LEPR: variants seen among roughly 807,000 people sequenced by gnomAD.
LEPR encodes the protein OB receptor.
LEPR carries 56 observed loss-of-function variants against 114.7 expected under a neutral mutation model. The observed-to-expected ratio is 0.49, with a 90% CI of 0.39 to 0.61. The LOEUF (loss-of-function observed/expected upper bound fraction) is 0.61. Among genes scored for constraint, LEPR ranks in the 20% least tolerant of loss-of-function variants. The probability of loss-of-function intolerance (pLI) is 0.00; values close to 1 mark genes in which losing one functional copy is unlikely to be tolerated. For synonymous variants in LEPR, 443 were observed against 461.4 expected (o/e 0.96, Z 0.51); for missense variants, 1,202 against 1,352.9 (o/e 0.89, Z 1.75).
rs1656444989 is a variant in LEPR, at chr1:65,601,618, T to C, written c.1221T>C (p.Tyr407=). 6.2e-7 allele frequency: 1 copy of C among 1,613,706 alleles called. No individual in the cohort carries two copies. Among genetic ancestry groups the C allele is most frequent in the East Asian group, 2.2e-5 (1 of 44,848 alleles). Residue 407 remains tyrosine, a synonymous_variant, in exon 9 of 20, where the codon TAT becomes TAC. Coordinates refer to ENST00000349533, the MANE Select transcript of LEPR (RefSeq NM_002303.6). The part of the protein sequence containing the change: ...NETKPRGKFT[Y]DAVYCCNEHE... ...CCAAACCTCGAGGAAAGTTTACCTATGATGCAGTGTACTGCTGCAATGAAC... is the reference window on the plus strand; with the variant it reads ...CCAAACCTCGAGGAAAGTTTACCTACGATGCAGTGTACTGCTGCAATGAAC...
chr1:65,542,863 T>C (rs968251719), intron 2 of LEPR, among the ~76,000 whole-genome samples: 11 of 152,042 alleles, frequency 7.2e-5, no homozygotes, highest in African/African-American at 1.5e-4. Context: ...CAGTCTATCA[T>C]TGATGGCCAT....
intron 2 of LEPR, among the ~76,000 whole-genome samples, chr1:65,555,895 A>C (rs1236100312): frequency 6.6e-6 from 1 of 152,130 alleles, no homozygotes; most frequent in African/African-American, 2.4e-5. Flanking sequence ...TCATGTGAGG[A>C]TGTCAACCCT....
chr1:65,579,032 A>G (rs1259442689), intron 5 of LEPR, among the ~76,000 whole-genome samples: 1 of 152,042 alleles, frequency 6.6e-6, no homozygotes, highest in Non-Finnish European at 1.5e-5. Context: ...CGACTGATGA[A>G]CCTACAAGCC....
At chr1:65,529,295 T>C (rs1242950560) in intron 2 of LEPR, among the ~76,000 whole-genome samples, 1 of 151,750 alleles carries the variant, frequency 6.6e-6, no homozygotes, top group African/African-American at 2.4e-5. Flanking sequence ...CTGAGACGGG[T>C]GGATCACAAG....
At position 65,636,887 on chromosome 1, in the gene LEPR, G is replaced by T; in HGVS notation, c.3370G>T (p.Val1124Leu). Residue 1124 changes from valine to leucine, a missense_variant, in exon 20 of 20, where the codon GTA (valine) becomes TTA (leucine). Val to Leu is a conservative substitution (Grantham distance 32). Transcript: ENST00000349533. Reference sequence around the variant, plus strand: ...TCTCCAGGACAGTTGCTCACACTTTGTAGAAAATAATATCAACTTAGGAAC... The same window carrying T: ...TCTCCAGGACAGTTGCTCACACTTTTTAGAAAATAATATCAACTTAGGAAC... ...RVLQDSCSHF[V>L]ENNINLGTSS... 1 of 1,606,384 alleles carries T rather than the reference G, an allele frequency of 6.2e-7. No individual in the cohort carries two copies. The highest frequency in any genetic ancestry group is 8.5e-7 in the Non-Finnish European group (1 of 1,176,766).
In LEPR at chr1:65,609,951, A is replaced by G. The variant is rs749228450; in HGVS notation, c.1757A>G (p.Tyr586Cys). The G allele has an allele frequency of 5.0e-6, 8 of 1,614,162 alleles. No individual in the cohort carries two copies. In the Admixed American group the frequency reaches 5.0e-5, roughly 10 times the overall value. ...LSGKEVQWKMYEVYDAKSKSV... is the reference protein window; with the variant it reads ...LSGKEVQWKMCEVYDAKSKSV... ...ATGCTTTGACTTATTTTACAGATGTATGAGGTTTATGATGCAAAATCAAAA... is the reference window on the plus strand; with the variant it reads ...ATGCTTTGACTTATTTTACAGATGTGTGAGGTTTATGATGCAAAATCAAAA... The change falls in exon 13 of 20, where the codon TAT becomes TGT. Residue 586 changes from tyrosine (Y) to cysteine (C), a missense_variant. Tyr to Cys is a radical substitution (Grantham distance 194, BLOSUM62 -2). Transcript: ENST00000349533.
At position 65,491,596 on chromosome 1, in the gene LEPR, TCTC is replaced by T. The variant is rs372160760; in HGVS notation, c.-21+66222_-21+66224del. Among the ~76,000 whole-genome samples the T allele has an allele frequency of 5.0e-3, 756 of 152,216 alleles. 5 individuals carry two copies. Among genetic ancestry groups the T allele is most frequent in the African/African-American group, 0.017 (725 of 41,542 alleles). Reference sequence around the variant, plus strand: ...TTTTGTCTTTTAAGGGAAAGCGCTTTCTCCTCTGATTTTCTGCCTAGGGGAACC... The same window carrying T: ...TTTTGTCTTTTAAGGGAAAGCGCTTTCTCTGATTTTCTGCCTAGGGGAACC... On this transcript the variant is annotated intron_variant, in intron 2 of 19. Coordinates refer to ENST00000349533, the MANE Select transcript of LEPR (RefSeq NM_002303.6).
At chr1:65,487,085 T>C (rs1184047889) in intron 2 of LEPR, among the ~76,000 whole-genome samples, 1 of 152,160 alleles carries the variant, frequency 6.6e-6, no homozygotes, top group Non-Finnish European at 1.5e-5. Flanking sequence ...ACCCAGATCT[T>C]TTCACACAAA....
intron 2 of LEPR, among the ~76,000 whole-genome samples, chr1:65,438,096 C>T (rs895298386): frequency 2.4e-4 from 34 of 144,628 alleles, no homozygotes; most frequent in African/African-American, 8.8e-4. Context: ...CTGGTATGGG[C>T]CATGGCTCCT....
At chr1:65,544,634 G>A (rs1245451955) in intron 2 of LEPR, among the ~76,000 whole-genome samples, 3 of 150,724 alleles carry the variant, frequency 2.0e-5, no homozygotes, top group South Asian at 2.1e-4. Flanking sequence ...TTTATTGAGC[G>A]TTTTTAGCAT....
chr1:65,536,894 C>T (rs1570634571), intron 2 of LEPR, among the ~76,000 whole-genome samples: 1 of 150,476 alleles, frequency 6.6e-6, no homozygotes, highest in South Asian at 2.3e-4. Context: ...ATGTCAATAT[C>T]GGGTTTTTTG....
chr1:65,453,195 A>G (rs1350337992), intron 2 of LEPR, among the ~76,000 whole-genome samples: 2 of 152,106 alleles, frequency 1.3e-5, no homozygotes, highest in South Asian at 2.1e-4. Context: ...TCTTGTTAGC[A>G]GTCTATCAAT....
chr1:65,508,251 A>C (rs764691200), intron 2 of LEPR, among the ~76,000 whole-genome samples: 3 of 152,194 alleles, frequency 2.0e-5, no homozygotes, highest in Non-Finnish European at 4.4e-5. Flanking sequence ...TATAGCCAAG[A>C]AATCATTCCC....
chr1:65,487,319 C>T (rs1046579722), intron 2 of LEPR, among the ~76,000 whole-genome samples: 2 of 152,020 alleles, frequency 1.3e-5, no homozygotes, highest in African/African-American at 4.8e-5. Flanking sequence ...AATAAAAGCT[C>T]GTAAGCTCTG....
chr1:65,512,186 C>G (rs1649068178), intron 2 of LEPR, among the ~76,000 whole-genome samples: 1 of 152,166 alleles, frequency 6.6e-6, no homozygotes, highest in East Asian at 1.9e-4. Context: ...CCCCCATGAC[C>G]CAGACACCTC....
At chr1:65,581,026 C>G (rs1409325601) in intron 5 of LEPR, among the ~76,000 whole-genome samples, 1 of 152,104 alleles carries the variant, frequency 6.6e-6, no homozygotes, top group Non-Finnish European at 1.5e-5. Flanking sequence ...ACTACTAACA[C>G]CTACTTTACT....
intron 5 of LEPR, chr1:65,576,490 AG>A (rs1160348684): frequency 6.5e-6 from 1 of 154,916 alleles, no homozygotes; most frequent in Non-Finnish European, 1.4e-5. Context: ...GAGGTGATAG[AG>A]CCTTCCAAGT....
intron 2 of LEPR, among the ~76,000 whole-genome samples, chr1:65,437,904 C>T (rs569399352): frequency 6.1e-4 from 92 of 151,768 alleles, no homozygotes; most frequent in African/African-American, 2.1e-3. Flanking sequence ...TTAACCTGAG[C>T]GCAAGGGTTC....
At chr1:65,548,153 C>T (rs1235931984) in intron 2 of LEPR, among the ~76,000 whole-genome samples, 1 of 151,942 alleles carries the variant, frequency 6.6e-6, no homozygotes, top group Non-Finnish European at 1.5e-5. Context: ...TCTAGTTTGA[C>T]TGCACTGTGG....
Sources: allele counts gnomAD v4.1 joint callset (sites outside exome capture counted in the v4.1 genomes callset), GRCh38; gene constraint gnomAD v4.1.1; transcripts MANE v1.5; gene names NCBI Gene and HGNC (gene_info 2026-07-23, HGNC 2026-07-21).